ZC3H12C: variants seen among roughly 807,000 people sequenced by gnomAD.
ZC3H12C encodes zinc finger CCCH-type containing 12C.
Under a neutral mutation model 76.3 loss-of-function variants are expected in ZC3H12C, and 20 were observed. The observed-to-expected ratio is 0.26, with a 90% confidence interval of 0.18 to 0.38. The LOEUF (loss-of-function observed/expected upper bound fraction) is 0.38. ZC3H12C is among the 10% of genes least tolerant of loss of function. The pLI, the probability that ZC3H12C is intolerant of heterozygous loss-of-function variation, is 1.00. For synonymous variants in ZC3H12C, 352 were observed against 399.6 expected, an observed-to-expected ratio of 0.88 and a Z score of 1.42; for missense variants, 874 against 1,086.5, an observed-to-expected ratio of 0.80 and a Z score of 2.75.
At chr11:110,156,894 C>T (rs1194261486) in intron 3 of ZC3H12C, among the ~76,000 whole-genome samples, 1 of 152,172 alleles carries the variant, frequency 6.6e-6, no homozygotes, top group Non-Finnish European at 1.5e-5. Context: ...AAGAGATCAA[C>T]AGTAGGCCAG....
At position 110,171,291 on chromosome 11, in the gene ZC3H12C, G is replaced by A. The variant is rs899550716; in HGVS notation, c.*5554G>A. On this transcript the variant is annotated 3_prime_UTR_variant, in exon 6 of 6. Coordinates refer to ENST00000278590, the MANE Select transcript of ZC3H12C (RefSeq NM_033390.2). ...AATATTCACAAACGTGCACACTTCT[G>A]CAGAGACAAAGCATTTCACTGCACG... 1.1e-4 allele frequency: 17 copies of A among 152,138 alleles called. No individual in the cohort carries two copies. Among genetic ancestry groups the A allele is most frequent in the Non-Finnish European group, 1.5e-5 (1 of 68,016 alleles). The allele number at this position is 152,138 out of a possible 1,614,324, so 9.4% of individuals were successfully genotyped here. A position where few individuals can be genotyped will look rare whatever the true frequency, so the allele number is the denominator to read the frequency against.
chr11:110,153,112 A>G, intron 3 of ZC3H12C, 54 bp downstream of exon 3: 2 of 1,577,534 alleles, frequency 1.3e-6, no homozygotes, highest in Middle Eastern at 3.4e-4. Context: ...ATAACCATGC[A>G]GGTGTCTGAC....
At chr11:110,098,147 A>G (rs1360811214) in intron 1 of ZC3H12C, among the ~76,000 whole-genome samples, 1 of 152,170 alleles carries the variant, frequency 6.6e-6, no homozygotes, top group Non-Finnish European at 1.5e-5. Flanking sequence ...CAGTGGGACA[A>G]AATGTAGAGG....
chr11:110,123,840 G>A (rs1331411403), intron 1 of ZC3H12C, among the ~76,000 whole-genome samples: 1 of 152,150 alleles, frequency 6.6e-6, no homozygotes, highest in African/African-American at 2.4e-5. Context: ...CCAAGCACAT[G>A]GAGATCAAAA....
chr11:110,156,952 G>A (rs1443306433), intron 3 of ZC3H12C, among the ~76,000 whole-genome samples: 3 of 152,124 alleles, frequency 2.0e-5, no homozygotes, highest in Admixed American at 6.5e-5. Flanking sequence ...AGGCCCAGGC[G>A]GGCGGATCAC....
intron 3 of ZC3H12C, 74 bp from the exon 4 acceptor site, chr11:110,159,182 A>T (rs1182776553): frequency 8.7e-7 from 1 of 1,152,332 alleles, no homozygotes; most frequent in Non-Finnish European, 1.3e-6. Context: ...TTAGAGTTTC[A>T]CATTGTATGA....
intron 1 of ZC3H12C, among the ~76,000 whole-genome samples, chr11:110,096,497 C>G (rs1425606535): frequency 1.3e-5 from 2 of 152,164 alleles, no homozygotes; most frequent in Admixed American, 6.5e-5. Context: ...TCTATTATCC[C>G]CAGTCTATAG....
chr11:110,115,281 TTTTTA>T (rs1467068629), intron 1 of ZC3H12C, among the ~76,000 whole-genome samples: 1 of 151,734 alleles, frequency 6.6e-6, no homozygotes, highest in Non-Finnish European at 1.5e-5. Flanking sequence ...AGTTTATTTA[TTTTTA>T]TTTTATTTTT....
At chr11:110,100,066 C>A (rs1262642418) in intron 1 of ZC3H12C, among the ~76,000 whole-genome samples, 1 of 152,082 alleles carries the variant, frequency 6.6e-6, no homozygotes, top group Non-Finnish European at 1.5e-5. Context: ...CCATACTGTA[C>A]CTAGGATTTT....
Position 110,164,358 on chromosome 11 carries a change from G to A in ZC3H12C, c.1273G>A (p.Gly425Arg), listed in dbSNP as rs1274367088. The A allele has an allele frequency of 6.2e-7, 1 of 1,611,424 alleles. No homozygotes were observed. Among genetic ancestry groups the A allele is most frequent in the Non-Finnish European group, 8.5e-7 (1 of 1,178,920 alleles). Residue 425 changes from glycine (G) to arginine (R), a missense_variant, in exon 6 of 6, where the codon GGA (glycine) becomes AGA (arginine). Gly to Arg is a moderately radical substitution (Grantham distance 125, BLOSUM62 -2). Transcript: ENST00000278590. The surrounding 1 kb of genome is among the most constrained non-coding windows in gnomAD (Gnocchi z 5.7). ...CTTCTTAGGAAAGAAGTGTACCTAT[G>A]GACACAAGTGCAAATATTACCATCC... The part of the protein sequence containing the change: ...PCPYGKKCTY[G>R]HKCKYYHPER...
intron 1 of ZC3H12C, among the ~76,000 whole-genome samples, chr11:110,095,821 C>T (rs1255677651): frequency 6.6e-6 from 1 of 151,978 alleles, no homozygotes; most frequent in African/African-American, 2.4e-5. Context: ...CAGTATGTGG[C>T]GCATGGGGCA....
chr11:110,137,302 G>A lies in ZC3H12C; in HGVS notation c.661G>A (p.Glu221Lys). Residue 221 changes from glutamate to lysine, a missense_variant, in exon 2 of 6, where the codon GAA (glutamate) becomes AAA (lysine). Coordinates refer to ENST00000278590, the MANE Select transcript of ZC3H12C (RefSeq NM_033390.2). Reference sequence around the variant, plus strand: ...TAGTACAATTAACACTATAACACGGGAAACTTCTTCCCTGGAATCTCAGAG... The same window carrying A: ...TAGTACAATTAACACTATAACACGGAAAACTTCTTCCCTGGAATCTCAGAG... ...TVSTINTITR[E>K]TSSLESQRSE... is the part of the protein sequence containing the mutation. 6.2e-7 allele frequency: 1 copy of A among 1,613,910 alleles called. No homozygotes were observed. Among genetic ancestry groups the A allele is most frequent in the Middle Eastern group, 1.6e-4 (1 of 6,062 alleles).
rs1328881107 is a variant in ZC3H12C at position 110,166,457 on chromosome 11, AAGC to A, written c.*723_*725del. On this transcript the variant is annotated 3_prime_UTR_variant, in exon 6 of 6. Transcript: ENST00000278590. ...AATTTAATATGGTCAATTTAAAAGAAAGCAGATGCAATCAATGGAAAAATGTTT... is the reference window on the plus strand; with the variant it reads ...AATTTAATATGGTCAATTTAAAAGAAAGATGCAATCAATGGAAAAATGTTT... 1 of 152,210 alleles carries A rather than the reference AAGC, an allele frequency of 6.6e-6. No individual in the cohort carries two copies. Among genetic ancestry groups the A allele is most frequent in the Non-Finnish European group, 1.5e-5 (1 of 68,030 alleles). The allele number at this position is 152,210 out of a possible 1,614,324, so 9.4% of individuals were successfully genotyped here.
At chr11:110,138,396 AC>A (rs1862009408) in intron 2 of ZC3H12C, among the ~76,000 whole-genome samples, 3 of 152,182 alleles carry the variant, frequency 2.0e-5, no homozygotes, top group Non-Finnish European at 4.4e-5. Context: ...TACAATGCAA[AC>A]CATGTATGTC....
chr11:110,150,453 T>G (rs899977453), intron 2 of ZC3H12C, among the ~76,000 whole-genome samples: 3 of 152,188 alleles, frequency 2.0e-5, no homozygotes, highest in African/African-American at 7.2e-5. Flanking sequence ...AATTGTAAAT[T>G]GGTTTTGCTG....
At chr11:110,162,661 G>A (rs1002343200) in intron 4 of ZC3H12C, among the ~76,000 whole-genome samples, 3 of 152,140 alleles carry the variant, frequency 2.0e-5, no homozygotes, top group Non-Finnish European at 4.4e-5. Context: ...AGAATAGATC[G>A]GAGTTAGATC....
chr11:110,120,076 T>C (rs2134162137), intron 1 of ZC3H12C, among the ~76,000 whole-genome samples: 2 of 152,304 alleles, frequency 1.3e-5, no homozygotes, highest in South Asian at 4.1e-4. Context: ...ATTTAAATTC[T>C]CTCCCCTGCC....
At chr11:110,094,116 G>A (rs1861068694) in intron 1 of ZC3H12C, among the ~76,000 whole-genome samples, 1 of 152,178 alleles carries the variant, frequency 6.6e-6, no homozygotes, top group Admixed American at 6.5e-5. Context: ...TCTTCCCTAA[G>A]CTGTCTCATT....
At chr11:110,142,523 T>C (rs996699975) in intron 2 of ZC3H12C, among the ~76,000 whole-genome samples, 3 of 152,214 alleles carry the variant, frequency 2.0e-5, no homozygotes, top group Non-Finnish European at 4.4e-5. Flanking sequence ...CAGCTAGATG[T>C]TGCCTCAAAT....
Sources: allele counts gnomAD v4.1 joint callset (sites outside exome capture counted in the v4.1 genomes callset), GRCh38; gene constraint gnomAD v4.1.1; non-coding constraint Gnocchi (gnomAD v3.1); transcripts MANE v1.5; gene names NCBI Gene and HGNC (gene_info 2026-07-23, HGNC 2026-07-21).